The following ZNF385D variants were observed in gnomAD, a reference collection of about 807,000 sequenced individuals.
The protein encoded by ZNF385D is zinc finger protein 385D.
In ZNF385D, 15 loss-of-function variants were observed where a neutral mutation model predicts 35.8. The ratio of observed to expected loss-of-function variants is 0.42; its 90% CI spans 0.28 to 0.64. ZNF385D has a LOEUF of 0.64. Among genes scored for constraint, ZNF385D ranks in the 30% least tolerant of loss-of-function variants. The pLI is 0.23. For missense variants in ZNF385D, 474 were observed against 494.6 expected (o/e 0.96, Z 0.39); for synonymous variants, 212 against 186.8 (o/e 1.13, Z -1.10).
intron 3 of ZNF385D, among the ~76,000 whole-genome samples, chr3:21,765,506 A>G (rs2070787867): frequency 6.6e-6 from 1 of 152,088 alleles, no homozygotes; most frequent in African/African-American, 2.4e-5. Context: ...ATGAACTGAG[A>G]CAATCATGTT....
In ZNF385D at chr3:22,239,193, G is replaced by A. The variant is rs1374755992; in HGVS notation, c.107-70158C>T. Among the ~76,000 whole-genome samples, 3 of 151,112 alleles carry A rather than the reference G, an allele frequency of 2.0e-5. 1 individual carries two copies. Among genetic ancestry groups the A allele is most frequent in the African/African-American group, 7.3e-5 (3 of 40,852 alleles). On this transcript the variant is annotated intron_variant, in intron 2 of 5. Transcript: ENST00000494108. The stretch of plus-strand genomic sequence containing the variant: ...TCTAGAACAAGAGTTGGAAAACTAT[G>A]ATTCATTGCCAAATCTTGCCTGCTA...
At chr3:21,843,180 C>T (rs1156575766) in intron 3 of ZNF385D, among the ~76,000 whole-genome samples, 3 of 151,954 alleles carry the variant, frequency 2.0e-5, no homozygotes, top group African/African-American at 7.2e-5. Flanking sequence ...TTGTGTGGGG[C>T]TCTCTGAGCA....
chr3:22,028,979 C>A (rs978071339), intron 3 of ZNF385D, among the ~76,000 whole-genome samples: 1 of 152,088 alleles, frequency 6.6e-6, no homozygotes, highest in Non-Finnish European at 1.5e-5. Context: ...GTCCAGGAAT[C>A]AAGGGGTGGA....
At chr3:21,712,103 T>TC (rs35818444) in intron 1 of ZNF385D, among the ~76,000 whole-genome samples, 77,385 of 152,010 alleles carry the variant, frequency 0.51, 20,225 homozygotes, top group African/African-American at 0.63. Context: ...CACAGCCCTT[T>TC]CCCTCGATGG....
Position 21,465,973 on chromosome 3 carries a change from T to G in ZNF385D, c.440-28770A>C, listed in dbSNP as rs116625996. On this transcript the variant is annotated intron_variant, in intron 4 of 7. Coordinates refer to ENST00000281523, the MANE Select transcript of ZNF385D (RefSeq NM_024697.3). The surrounding 1 kb of genome is among the most constrained non-coding windows in gnomAD (Gnocchi z 4.2). ...GCATCTCCACTAGGGTTTGCAAAAA[T>G]CTTAGAAAAGTGGGTCTCCATCTTC... Among the ~76,000 whole-genome samples the G allele has an allele frequency of 0.016, 2,425 of 152,256 alleles. 64 individuals are homozygous for G. Among genetic ancestry groups the G allele is most frequent in the African/African-American group, 0.055 (2,301 of 41,544 alleles).
chr3:21,812,279 T>G (rs771933159), intron 3 of ZNF385D, among the ~76,000 whole-genome samples: 1 of 152,170 alleles, frequency 6.6e-6, no homozygotes, highest in Non-Finnish European at 1.5e-5. Context: ...GCTCCCAGCA[T>G]GAGTGACGCA....
At chr3:21,922,060 T>C (rs1253683149) in intron 3 of ZNF385D, among the ~76,000 whole-genome samples, 1 of 151,428 alleles carries the variant, frequency 6.6e-6, no homozygotes, top group African/African-American at 2.4e-5. Context: ...AAATGACAGG[T>C]CAATATTCCT....
chr3:21,464,557 C>A (rs1703385909), intron 4 of ZNF385D, among the ~76,000 whole-genome samples: 1 of 152,050 alleles, frequency 6.6e-6, no homozygotes, highest in African/African-American at 2.4e-5. Context: ...GCTTCAGATA[C>A]AACAGTCAAC....
intron 2 of ZNF385D, among the ~76,000 whole-genome samples, chr3:22,244,594 T>G (rs1338929065): frequency 6.6e-6 from 1 of 150,890 alleles, no homozygotes; most frequent in Non-Finnish European, 1.5e-5. Context: ...TTCAAGTACA[T>G]CAGCTCTCAA....
rs117302286 is a variant in ZNF385D, at chr3:21,706,474, A to C, written c.23-41446T>G. ...ATTTTGCACAAGTTGTAGCATACTTACAATTTGAGGAGACAAAAGTGAAAA... is the reference window on the plus strand; with the variant it reads ...ATTTTGCACAAGTTGTAGCATACTTCCAATTTGAGGAGACAAAAGTGAAAA... On this transcript the variant is annotated intron_variant, in intron 1 of 7. Coordinates refer to ENST00000281523, the MANE Select transcript of ZNF385D (RefSeq NM_024697.3). Among the ~76,000 whole-genome samples the C allele has an allele frequency of 3.2e-4, 48 of 152,334 alleles. No homozygotes were observed. In the East Asian group the frequency reaches 8.3e-3, roughly 26 times the overall value.
intron 3 of ZNF385D, among the ~76,000 whole-genome samples, chr3:22,139,231 G>C (rs1216011168): frequency 2.6e-5 from 4 of 152,142 alleles, no homozygotes; most frequent in Non-Finnish European, 4.4e-5. Flanking sequence ...TCTAGAACTA[G>C]AAATACCATT....
chr3:22,205,084 G>A (rs980726938), intron 2 of ZNF385D, among the ~76,000 whole-genome samples: 3 of 150,932 alleles, frequency 2.0e-5, no homozygotes, highest in Non-Finnish European at 4.4e-5. Context: ...AAACTCCCAA[G>A]GTCAAGAATA....
chr3:22,260,558 C>T (rs1420768992), intron 2 of ZNF385D, among the ~76,000 whole-genome samples: 1 of 151,734 alleles, frequency 6.6e-6, no homozygotes, highest in Non-Finnish European at 1.5e-5. Context: ...GGTTGTAAAT[C>T]ATTTTGTAAT....
chr3:22,003,463 A>T (rs1292191740), intron 3 of ZNF385D, among the ~76,000 whole-genome samples: 2 of 152,208 alleles, frequency 1.3e-5, no homozygotes, highest in African/African-American at 2.4e-5. Flanking sequence ...ATGCTCATGG[A>T]TTGGTAGAAT....
intron 3 of ZNF385D, among the ~76,000 whole-genome samples, chr3:22,038,210 G>A (rs934403880): frequency 6.6e-6 from 1 of 152,062 alleles, no homozygotes; most frequent in African/African-American, 2.4e-5. Context: ...ACACATGAAG[G>A]AGTTTTCTTG....
intron 3 of ZNF385D, among the ~76,000 whole-genome samples, chr3:21,920,883 T>A (rs1442695821): frequency 6.6e-6 from 1 of 151,984 alleles, no homozygotes; most frequent in Non-Finnish European, 1.5e-5. Context: ...ACAAAATACA[T>A]TAAAATATGA....
chr3:21,501,236 T>G (rs1418957699), intron 4 of ZNF385D, among the ~76,000 whole-genome samples: 2 of 152,168 alleles, frequency 1.3e-5, no homozygotes, highest in Non-Finnish European at 2.9e-5. Flanking sequence ...GGACAGCTTC[T>G]TCCTTCTGCC....
At chr3:22,072,194 G>C (rs1048842965) in intron 3 of ZNF385D, among the ~76,000 whole-genome samples, 1 of 152,044 alleles carries the variant, frequency 6.6e-6, no homozygotes, top group Admixed American at 6.6e-5. Flanking sequence ...AAGCCATCCT[G>C]TGGCAAGCAG....
At chr3:22,338,030 A>G (rs564041704) in intron 2 of ZNF385D, among the ~76,000 whole-genome samples, 3 of 152,348 alleles carry the variant, frequency 2.0e-5, no homozygotes, top group African/African-American at 7.2e-5. Context: ...TTTCTCATCC[A>G]TAAGTCATTT....
Sources: allele counts gnomAD v4.1 joint callset (sites outside exome capture counted in the v4.1 genomes callset), GRCh38; gene constraint gnomAD v4.1.1; non-coding constraint Gnocchi (gnomAD v3.1); transcripts MANE v1.5; gene names NCBI Gene and HGNC (gene_info 2026-07-23, HGNC 2026-07-21).